The following RIMKLB variants were observed in gnomAD, a reference collection of about 807,000 sequenced individuals.
RIMKLB encodes beta-citrylglutamate synthase B.
In RIMKLB, 7 loss-of-function variants were observed where a neutral mutation model predicts 32.0. That is an observed-to-expected ratio of 0.22 (90% CI 0.12 to 0.41). RIMKLB has a LOEUF of 0.41. Among genes scored for constraint, RIMKLB ranks in the 10% least tolerant of loss-of-function variants. The pLI is 1.00. For missense variants in RIMKLB, 289 were observed against 498.7 expected (o/e 0.58, Z 4.00); for synonymous variants, 172 against 185.1 (o/e 0.93, Z 0.57).
chr12:8,764,885 C>T (rs188603209), intron 5 of RIMKLB, among the ~76,000 whole-genome samples: 29 of 151,536 alleles, frequency 1.9e-4, no homozygotes, highest in Non-Finnish European at 3.1e-4. Context: ...CCCAGCCTTT[C>T]TGTTCCAGAG....
Position 8,775,195 on chromosome 12 carries a change from T to C in RIMKLB, c.*1411T>C. 1.0e-6 allele frequency: 1 copy of C among 985,788 alleles called. No individual in the cohort carries two copies. Among genetic ancestry groups the C allele is most frequent in the Non-Finnish European group, 1.2e-6 (1 of 829,896 alleles). 61.1% of individuals were successfully genotyped at this position (985,788 alleles called of 1,614,324 possible). On this transcript the variant is annotated 3_prime_UTR_variant, in exon 6 of 6. Coordinates refer to ENST00000535829, the MANE Select transcript of RIMKLB (RefSeq NM_001297776.2). Reference sequence around the variant, plus strand: ...AATGCTTCTGGCTATGCATTTTCTCTTTTTACATATAGGATTTGGGATTGG... The same window carrying C: ...AATGCTTCTGGCTATGCATTTTCTCCTTTTACATATAGGATTTGGGATTGG...
intron 1 of RIMKLB, among the ~76,000 whole-genome samples, chr12:8,691,279 C>G (rs577045943): frequency 2.9e-4 from 44 of 152,044 alleles, no homozygotes; most frequent in Non-Finnish European, 5.4e-4. Flanking sequence ...GCATGTGCCA[C>G]CACACTTGGC....
intron 2 of RIMKLB, among the ~76,000 whole-genome samples, chr12:8,735,463 C>T (rs1946915065): frequency 1.3e-5 from 2 of 152,146 alleles, no homozygotes; most frequent in African/African-American, 4.8e-5. Flanking sequence ...CTCCTGACCT[C>T]AGGTGATCTG....
chr12:8,684,180 C>CT (rs111930204), intron 1 of RIMKLB, among the ~76,000 whole-genome samples: 2,411 of 146,158 alleles, frequency 0.016, 43 homozygotes, highest in African/African-American at 0.047. Flanking sequence ...TAAATTTTCT[C>CT]TTTTTTTTTT....
Position 8,776,808 on chromosome 12 carries a change from G to C in RIMKLB, c.*3024G>C, listed in dbSNP as rs1423445351. ...AGTAGAAAAACCCAACAAGAGACTTGGCATTCATCAAGCACATTATCAGAC... is the reference window on the plus strand; with the variant it reads ...AGTAGAAAAACCCAACAAGAGACTTCGCATTCATCAAGCACATTATCAGAC... On this transcript the variant is annotated 3_prime_UTR_variant, in exon 6 of 6. Transcript: ENST00000535829. The C allele has an allele frequency of 3.0e-6, 3 of 985,364 alleles. No individual in the cohort carries two copies. The highest frequency in any genetic ancestry group is 3.6e-6 in the Non-Finnish European group (3 of 829,796). The allele number at this position is 985,364 out of a possible 1,614,324, so 61.0% of individuals were successfully genotyped here.
chr12:8,703,740 A>C (rs1430391415), intron 1 of RIMKLB, among the ~76,000 whole-genome samples: 1 of 152,132 alleles, frequency 6.6e-6, no homozygotes, highest in African/African-American at 2.4e-5. Flanking sequence ...TCTAATTGTG[A>C]CTTTAAACAA....
chr12:8,698,628 G>A (rs938780978), intron 1 of RIMKLB, among the ~76,000 whole-genome samples: 2 of 152,174 alleles, frequency 1.3e-5, no homozygotes, highest in African/African-American at 4.8e-5. Context: ...GCGAGGGGGT[G>A]TGGTAACCCC....
In RIMKLB at chr12:8,719,616, G is replaced by T. The variant is rs746344071; in HGVS notation, c.175+5575G>T. 2.6e-5 allele frequency among the ~76,000 whole-genome samples: 4 copies of T among 152,176 alleles called. No individual in the cohort carries two copies. In the East Asian group the frequency reaches 7.7e-4, roughly 29 times the overall value. Reference sequence around the variant, plus strand: ...ACTCCTGACCTCCGGTGATCCGCCCGCCTCGGCCTACCAAGGTGCTAGGAT... The same window carrying T: ...ACTCCTGACCTCCGGTGATCCGCCCTCCTCGGCCTACCAAGGTGCTAGGAT... On this transcript the variant is annotated intron_variant, in intron 2 of 5. Coordinates refer to ENST00000535829, the MANE Select transcript of RIMKLB (RefSeq NM_001297776.2).
intron 5 of RIMKLB, among the ~76,000 whole-genome samples, chr12:8,767,667 G>A (rs7138392): frequency 1.9e-3 from 294 of 152,224 alleles, no homozygotes; most frequent in African/African-American, 6.9e-3. Context: ...CCAGGAGTTC[G>A]GGATGACAGC....
chr12:8,772,996 C>G (rs760749359), intron 5 of RIMKLB, among the ~76,000 whole-genome samples: 2 of 152,302 alleles, frequency 1.3e-5, no homozygotes, highest in South Asian at 4.1e-4. Flanking sequence ...TTTTATAAAT[C>G]AAAAACCAAT....
rs1391476204 is a variant in RIMKLB at position 8,684,377 on chromosome 12, TG to T, written n.219+2561del. On this transcript the variant is annotated intron_variant and non_coding_transcript_variant, in intron 1 of 1. Coordinates refer to the RIMKLB transcript ENST00000538758. ...TAGTAGAGCTGGGCTTTCACTATGT[TG>T]GCCAGGGTGGTCTGGAATTCCTGAG... Among the ~76,000 whole-genome samples the T allele has an allele frequency of 2.0e-5, 3 of 152,256 alleles. No individual in the cohort carries two copies. The East Asian group carries it at 5.8e-4, about 30-fold the overall frequency.
chr12:8,774,832 A>G lies in RIMKLB; in HGVS notation c.*1048A>G, dbSNP rs1419957214. On this transcript the variant is annotated 3_prime_UTR_variant, in exon 6 of 6. Transcript: ENST00000535829. ...TAAAGCTGAAGTGATTTCGAATGCCAGCGTTATATATTTGCATTTTTCACA... is the reference window on the plus strand; with the variant it reads ...TAAAGCTGAAGTGATTTCGAATGCCGGCGTTATATATTTGCATTTTTCACA... 1.0e-5 allele frequency: 10 copies of G among 985,484 alleles called. No individual in the cohort carries two copies. Among genetic ancestry groups the G allele is most frequent in the Non-Finnish European group, 1.2e-5 (10 of 829,912 alleles). The allele number at this position is 985,484 out of a possible 1,614,324, so 61.0% of individuals were successfully genotyped here.
chr12:8,745,962 T>C (rs1395868565), intron 2 of RIMKLB, among the ~76,000 whole-genome samples: 1 of 151,842 alleles, frequency 6.6e-6, no homozygotes, highest in Non-Finnish European at 1.5e-5. Context: ...CCTAAAGTGC[T>C]GGGATTACAG....
Position 8,753,955 on chromosome 12 carries a change from G to A in RIMKLB, c.559G>A (p.Glu187Lys), listed in dbSNP as rs1005405168. The part of the protein sequence containing the change: ...LADLSHLIRH[E>K]APYLFQKYVK... ...TGATCTAAGCCATCTTATTCGCCAT[G>A]AAGCGCCATACCTGTTCCAGAAGTA... The change falls in exon 5 of 6, where the codon GAA becomes AAA. Residue 187 changes from glutamate to lysine, a missense_variant. Physicochemically the swap from Glu to Lys is moderately conservative, Grantham distance 56. Coordinates refer to ENST00000535829, the MANE Select transcript of RIMKLB (RefSeq NM_001297776.2). 1 of 1,613,848 alleles carries A rather than the reference G, an allele frequency of 6.2e-7. No individual in the cohort carries two copies. The highest frequency in any genetic ancestry group is 8.5e-7 in the Non-Finnish European group (1 of 1,179,864).
intron 2 of RIMKLB, among the ~76,000 whole-genome samples, chr12:8,734,105 A>G (rs997989837): frequency 3.3e-5 from 5 of 152,230 alleles, no homozygotes; most frequent in African/African-American, 1.2e-4. Context: ...TTATCTGGTA[A>G]GGCAAAGGAA....
intron 2 of RIMKLB, among the ~76,000 whole-genome samples, chr12:8,726,059 G>A (rs1945967953): frequency 6.6e-6 from 1 of 152,220 alleles, no homozygotes; most frequent in Non-Finnish European, 1.5e-5. Flanking sequence ...TGTTGGCCTG[G>A]TTGGTCTTGA....
chr12:8,733,668 T>A (rs1039702619), intron 2 of RIMKLB, among the ~76,000 whole-genome samples: 4 of 151,428 alleles, frequency 2.6e-5, no homozygotes, highest in Admixed American at 6.6e-5. Context: ...AGGCCAGGAG[T>A]TCAAGACCAG....
chr12:8,690,720 C>G (rs750965192), intron 1 of RIMKLB, among the ~76,000 whole-genome samples: 1 of 152,106 alleles, frequency 6.6e-6, no homozygotes, highest in South Asian at 2.1e-4. Context: ...GTCAGGATAT[C>G]GAGACCATCC....
intron 2 of RIMKLB, among the ~76,000 whole-genome samples, chr12:8,748,702 G>A (rs1007583217): frequency 1.9e-4 from 29 of 151,586 alleles, no homozygotes; most frequent in African/African-American, 7.0e-4. Flanking sequence ...ATTTTGGGAG[G>A]CCGAGGCAGG....
Sources: allele counts gnomAD v4.1 joint callset (sites outside exome capture counted in the v4.1 genomes callset), GRCh38; gene constraint gnomAD v4.1.1; transcripts MANE v1.5; gene names NCBI Gene and HGNC (gene_info 2026-07-23, HGNC 2026-07-21).